Variants in GALNT6 observed in about 807,000 individuals in gnomAD.
GALNT6 encodes the protein GalNAc transferase 6.
In GALNT6, 51 loss-of-function variants were observed where a neutral mutation model predicts 65.9. The ratio of observed to expected loss-of-function variants is 0.77; its 90% CI spans 0.62 to 0.98. The LOEUF (loss-of-function observed/expected upper bound fraction) is 0.98. Among genes scored for constraint, GALNT6 ranks in the 50% least tolerant of loss-of-function variants. GALNT6 has a pLI of 0.00. For missense variants in GALNT6, 708 were observed against 803.3 expected (o/e 0.88, Z 1.43); for synonymous variants, 323 against 315.1 (o/e 1.02, Z -0.26).
chr12:51,367,048 G>C (rs976449492), intron 4 of GALNT6, among the ~76,000 whole-genome samples: 1 of 152,188 alleles, frequency 6.6e-6, no homozygotes, highest in Non-Finnish European at 1.5e-5. Context: ...TGGATCACCT[G>C]AGGTTGGGAG....
chr12:51,362,624 G>T (rs1438886042), intron 6 of GALNT6, among the ~76,000 whole-genome samples: 4 of 151,102 alleles, frequency 2.6e-5, no homozygotes, highest in African/African-American at 9.8e-5. Flanking sequence ...CTGTGTGCCT[G>T]GTCACTGGCA....
Position 51,354,483 on chromosome 12 carries a change from T to A in GALNT6, c.1765A>T (p.Ile589Phe), listed in dbSNP as rs1946688935. 1 of 1,594,420 alleles carries A rather than the reference T, an allele frequency of 6.3e-7. No homozygotes were observed. Among genetic ancestry groups the A allele is most frequent in the Non-Finnish European group, 8.6e-7 (1 of 1,169,408 alleles). ...EEWELAQDQL[I>F]RNSGSGTCLT... Reference sequence around the variant, plus strand: ...CAGGTACCAGATCCTGAGTTCCTGATGAGCTGATCCTAAAAGATGACAAAG... The same window carrying A: ...CAGGTACCAGATCCTGAGTTCCTGAAGAGCTGATCCTAAAAGATGACAAAG... Residue 589 changes from isoleucine to phenylalanine, a missense_variant, in exon 12 of 12, where the codon ATC becomes TTC. Physicochemically the swap from Ile to Phe is conservative, Grantham distance 21. Transcript: ENST00000356317.
At chr12:51,377,430 G>C in intron 3 of GALNT6, 63 bp from the exon 4 acceptor site, 2 of 1,441,322 alleles carry the variant, frequency 1.4e-6, no homozygotes, top group Non-Finnish European at 1.9e-6. Context: ...TGTGGGGAGG[G>C]CCCCATCCAG....
chr12:51,366,075 GC>G (rs1947094705), intron 4 of GALNT6, among the ~76,000 whole-genome samples: 1 of 152,174 alleles, frequency 6.6e-6, no homozygotes, highest in Non-Finnish European at 1.5e-5. Context: ...GTGCAACCAT[GC>G]CTGGCTCATT....
intron 11 of GALNT6, among the ~76,000 whole-genome samples, chr12:51,355,164 G>A (rs1327588720): frequency 6.6e-6 from 1 of 152,188 alleles, no homozygotes; most frequent in Non-Finnish European, 1.5e-5. Flanking sequence ...CTGGACCCAG[G>A]CATGTGAGTG....
intron 7 of GALNT6, 115 bp downstream of exon 7, chr12:51,360,606 C>T: frequency 1.4e-6 from 1 of 698,614 alleles, no homozygotes; most frequent in Admixed American, 2.1e-5. Flanking sequence ...AAATAGCCAC[C>T]CTTTCTAGTT....
intron 10 of GALNT6, among the ~76,000 whole-genome samples, chr12:51,356,186 G>A (rs926624895): frequency 7.4e-5 from 11 of 148,670 alleles, no homozygotes; most frequent in Non-Finnish European, 1.2e-4. Flanking sequence ...ATATATGTGT[G>A]TATATATATA....
chr12:51,370,571 T>C (rs908512991), intron 4 of GALNT6, among the ~76,000 whole-genome samples: 2 of 152,220 alleles, frequency 1.3e-5, no homozygotes, highest in African/African-American at 4.8e-5. Flanking sequence ...GGATGAATCT[T>C]GAAGGCATTA....
Position 51,357,468 on chromosome 12 carries a change from G to A in GALNT6, c.1501-18C>T. 3 of 1,579,564 alleles carry A rather than the reference G, an allele frequency of 1.9e-6. No homozygotes were observed. The highest frequency in any genetic ancestry group is 2.6e-6 in the Non-Finnish European group (3 of 1,148,698). On this transcript the variant is annotated intron_variant, in intron 9 of 11. Coordinates refer to ENST00000356317, the MANE Select transcript of GALNT6 (RefSeq NM_007210.4). Reference sequence around the variant, plus strand: ...TTCTTGATCTGCAGAAGGGTGAGCAGAGAGGGGAAGCAGGATGGCACAGTC... The same window carrying A: ...TTCTTGATCTGCAGAAGGGTGAGCAAAGAGGGGAAGCAGGATGGCACAGTC...
chr12:51,371,396 C>T (rs1947291323), intron 4 of GALNT6, among the ~76,000 whole-genome samples: 1 of 152,112 alleles, frequency 6.6e-6, no homozygotes, highest in Non-Finnish European at 1.5e-5. Context: ...TACACCCACT[C>T]CACCAGCACT....
intron 2 of GALNT6, chr12:51,383,701 T>A (rs1188043709): frequency 6.6e-6 from 1 of 152,170 alleles, no homozygotes; most frequent in Non-Finnish European, 1.5e-5. Context: ...ACTAACCACA[T>A]CCTGAACCGA....
intron 6 of GALNT6, among the ~76,000 whole-genome samples, chr12:51,363,816 A>G (rs1412933442): frequency 6.6e-6 from 1 of 152,218 alleles, no homozygotes; most frequent in Non-Finnish European, 1.5e-5. Flanking sequence ...TGCCTGGCAC[A>G]TGGTAAGTGG....
intron 4 of GALNT6, among the ~76,000 whole-genome samples, chr12:51,371,054 A>AATTTATTATGATT (rs1555178908): frequency 6.9e-6 from 1 of 144,450 alleles, no homozygotes; most frequent in Non-Finnish European, 1.5e-5. Flanking sequence ...CCTTTTAAAA[A>AATTTATTATGATT]ATTATTATTA....
chr12:51,357,261 C>T, intron 10 of GALNT6, 88 bp downstream of exon 10: 9 of 830,928 alleles, frequency 1.1e-5, no homozygotes, highest in Middle Eastern at 2.9e-4. Flanking sequence ...TATCTCCTCC[C>T]TCCCAGTCCT....
At chr12:51,371,563 C>T (rs566125857) in intron 4 of GALNT6, among the ~76,000 whole-genome samples, 112 of 152,326 alleles carry the variant, frequency 7.4e-4, no homozygotes, top group African/African-American at 2.6e-3. Context: ...TCCCTAATTA[C>T]TCACTCACTA....
chr12:51,380,911 C>T (rs10783439), intron 2 of GALNT6, among the ~76,000 whole-genome samples: 65,964 of 152,028 alleles, frequency 0.43, 14,909 homozygotes, highest in East Asian at 0.76. Context: ...AAGTGGATGG[C>T]GGCTGCTGGT....
rs1946623717 is a variant in GALNT6 at position 51,352,005 on chromosome 12, T to C, written c.*2374A>G. 6.6e-6 allele frequency: 1 copy of C among 152,220 alleles called. No homozygotes were observed. The highest frequency in any genetic ancestry group is 1.5e-5 in the Non-Finnish European group (1 of 68,066). The allele number at this position is 152,220 out of a possible 1,614,324, so 9.4% of individuals were successfully genotyped here. ...CCTTTCCTTTTGGCTGGCCAATGTC[T>C]CCTCTGTAGGCTCCAGAAGGCTCTC... On this transcript the variant is annotated 3_prime_UTR_variant, in exon 12 of 12. Transcript: ENST00000356317.
At chr12:51,361,660 G>A (rs1025475268) in intron 6 of GALNT6, among the ~76,000 whole-genome samples, 2 of 152,192 alleles carry the variant, frequency 1.3e-5, no homozygotes, top group African/African-American at 4.8e-5. Context: ...ATACCAGGTT[G>A]CTTCGAAGAG....
At chr12:51,364,048 T>G in intron 6 of GALNT6, 73 bp downstream of exon 6, 22 of 973,046 alleles carry the variant, frequency 2.3e-5, no homozygotes, top group Non-Finnish European at 3.5e-5. Context: ...AATGTTGATG[T>G]GAGATGGCAC....
Sources: gnomAD v4.1 joint callset for allele counts (sites outside exome capture counted in the v4.1 genomes callset) on GRCh38, gnomAD v4.1.1 for gene constraint, MANE v1.5 for transcripts, NCBI Gene and HGNC (gene_info 2026-07-23, HGNC 2026-07-21) for gene names.